Variants in LSM12 observed in about 807,000 individuals in gnomAD.
The protein encoded by LSM12 is protein LSM12.
For synonymous variants in LSM12, 74 were observed against 87.3 expected (o/e 0.85, Z 0.85); for missense variants, 108 against 238.9 (o/e 0.45, Z 3.61).
intron 1 of LSM12, among the ~76,000 whole-genome samples, chr17:44,064,464 G>T (rs2049841999): frequency 6.6e-6 from 1 of 152,172 alleles, no homozygotes; most frequent in South Asian, 2.1e-4. Context: ...CTCACGTGAT[G>T]GCTCACGCCT....
chr17:44,042,821 C>T (rs1306798790), intron 2 of LSM12, among the ~76,000 whole-genome samples: 2 of 152,122 alleles, frequency 1.3e-5, no homozygotes, highest in Admixed American at 6.6e-5. Context: ...CCCACCTGGG[C>T]CTCCCAAAGT....
chr17:44,040,377 C>G, intron 2 of LSM12, 121 bp from the exon 3 acceptor site: 1 of 704,872 alleles, frequency 1.4e-6, no homozygotes. Flanking sequence ...TCTGTTTTCT[C>G]AGAAATGAAA....
rs77186680 is a variant in LSM12 at position 44,037,951 on chromosome 17, T to C, written c.369-413A>G. ...CAACTAGCACTGAGTTCTGCCATAG[T>C]TGTACAAAAGTAGCATGGACAATAG... is the stretch of plus-strand genomic sequence containing the variant. On this transcript the variant is annotated intron_variant, in intron 3 of 4. Transcript: ENST00000293406. 1.1e-4 allele frequency among the ~76,000 whole-genome samples: 16 copies of C among 152,326 alleles called. No individual in the cohort carries two copies. The East Asian group carries it at 2.5e-3, about 24-fold the overall frequency.
intron 2 of LSM12, among the ~76,000 whole-genome samples, chr17:44,047,438 G>C (rs1416032124): frequency 2.0e-5 from 3 of 151,914 alleles, no homozygotes; most frequent in Non-Finnish European, 4.4e-5. Flanking sequence ...GTAAAGACAG[G>C]GTTTCACCAC....
chr17:44,047,563 CATTATT>C (rs1193889671), intron 2 of LSM12, among the ~76,000 whole-genome samples: 1 of 151,224 alleles, frequency 6.6e-6, no homozygotes, highest in Non-Finnish European at 1.5e-5. Context: ...GTCTTATTAT[CATTATT>C]ATTTTCTTTT....
chr17:44,059,130 C>A (rs1169750965), intron 2 of LSM12, among the ~76,000 whole-genome samples: 1 of 152,114 alleles, frequency 6.6e-6, no homozygotes, highest in Non-Finnish European at 1.5e-5. Flanking sequence ...GATCATGCCA[C>A]TGCACTCTAG....
At chr17:44,066,427 G>A (rs2049878668) in intron 1 of LSM12, 37 bp downstream of exon 1, 2 of 1,538,470 alleles carry the variant, frequency 1.3e-6, no homozygotes, top group East Asian at 2.6e-5. Flanking sequence ...GCACCTACAC[G>A]CCGGCCCGGA....
intron 2 of LSM12, among the ~76,000 whole-genome samples, chr17:44,055,303 CAT>C (rs2049696362): frequency 6.6e-6 from 1 of 151,912 alleles, no homozygotes; most frequent in African/African-American, 2.4e-5. Flanking sequence ...CATAGCTAAA[CAT>C]AGGCTGGCCA....
At chr17:44,042,602 T>TTG in intron 2 of LSM12, among the ~76,000 whole-genome samples, 1 of 3,822 alleles carries the variant, frequency 2.6e-4, no homozygotes, top group Non-Finnish European at 7.2e-4. Flanking sequence ...TCTCGCTCTG[T>TTG]CGCCCAGGCT....
At chr17:44,058,700 C>T (rs192623745) in intron 2 of LSM12, among the ~76,000 whole-genome samples, 8 of 152,176 alleles carry the variant, frequency 5.3e-5, no homozygotes, top group Admixed American at 3.3e-4. Context: ...GGCATGGTGG[C>T]GCACGCCTGT....
At chr17:44,039,320 G>A (rs2049457033) in intron 3 of LSM12, among the ~76,000 whole-genome samples, 1 of 149,708 alleles carries the variant, frequency 6.7e-6, no homozygotes, top group African/African-American at 2.5e-5. Context: ...CTCCCAAAGT[G>A]CTGGGATTAC....
intron 4 of LSM12, among the ~76,000 whole-genome samples, 162 bp from the exon 5 acceptor site, chr17:44,036,462 G>A (rs1484227138): frequency 6.6e-6 from 1 of 152,204 alleles, no homozygotes; most frequent in African/African-American, 2.4e-5. Flanking sequence ...CCACAAGGTA[G>A]GCCAGGGCCT....
chr17:44,057,819 T>C (rs761945880), intron 2 of LSM12, among the ~76,000 whole-genome samples: 1 of 151,984 alleles, frequency 6.6e-6, no homozygotes, highest in Non-Finnish European at 1.5e-5. Flanking sequence ...TCCAAGAACC[T>C]ACCAAAGACG....
intron 2 of LSM12, among the ~76,000 whole-genome samples, chr17:44,059,179 AAC>A (rs149442108): frequency 9.2e-5 from 14 of 151,760 alleles, no homozygotes; most frequent in Admixed American, 5.9e-4. Context: ...TAAAAAACAG[AAC>A]ACACACACAC....
chr17:44,039,175 C>T (rs966966731), intron 3 of LSM12, among the ~76,000 whole-genome samples: 2 of 152,058 alleles, frequency 1.3e-5, no homozygotes, highest in Non-Finnish European at 2.9e-5. Context: ...CTGCCTCAGC[C>T]TCCTAAGTGG....
At chr17:44,057,661 G>A (rs931913514) in intron 2 of LSM12, among the ~76,000 whole-genome samples, 3 of 151,538 alleles carry the variant, frequency 2.0e-5, no homozygotes, top group African/African-American at 4.8e-5. Flanking sequence ...TCCGGAGGCT[G>A]AGGTAGAGAA....
chr17:44,060,734 C>T (rs554732315), intron 2 of LSM12, among the ~76,000 whole-genome samples: 1 of 152,216 alleles, frequency 6.6e-6, no homozygotes, highest in South Asian at 2.1e-4. Flanking sequence ...TGCTAGTAAA[C>T]AAGGAAAACC....
At position 44,063,812 on chromosome 17, in the gene LSM12, T is replaced by C; in HGVS notation, c.247A>G (p.Asn83Asp). ...TETPPPLASL[N>D]VSKLASKART... is the part of the protein sequence containing the mutation. ...CCTTGAGTCCTTACCTTACTAACAT[T>C]GAGTGAAGCTAGGGGAGGAGGGGTT... Residue 83 changes from asparagine to aspartate, a missense_variant, in exon 2 of 5, where the codon AAT (asparagine) becomes GAT (aspartate). Physicochemically the swap from Asn to Asp is conservative, Grantham distance 23 (BLOSUM62 1). Transcript: ENST00000293406. 1 of 1,613,628 alleles carries C rather than the reference T, an allele frequency of 6.2e-7. No homozygotes were observed. The highest frequency in any genetic ancestry group is 8.5e-7 in the Non-Finnish European group (1 of 1,179,882).
Position 44,036,115 on chromosome 17 carries a change from T to G in LSM12, c.*93A>C. The G allele has an allele frequency of 8.5e-7, 1 of 1,170,936 alleles. No homozygotes were observed. The highest frequency in any genetic ancestry group is 1.2e-6 in the Non-Finnish European group (1 of 815,346). The allele number at this position is 1,170,936 out of a possible 1,614,324, so 72.5% of individuals were successfully genotyped here. A position where few individuals can be genotyped will look rare whatever the true frequency, so the allele number is the denominator to read the frequency against. On this transcript the variant is annotated 3_prime_UTR_variant, in exon 5 of 5. Coordinates refer to ENST00000293406, the MANE Select transcript of LSM12 (RefSeq NM_001371445.1). The stretch of plus-strand genomic sequence containing the variant: ...CTTTGTTAAGAGCCAACAGGACATA[T>G]AGGATCCCTTCCCTCCCCCGGCCTG...
Sources: gnomAD v4.1 joint callset for allele counts (sites outside exome capture counted in the v4.1 genomes callset) on GRCh38, gnomAD v4.1.1 for gene constraint, MANE v1.5 for transcripts, NCBI Gene and HGNC (gene_info 2026-07-23, HGNC 2026-07-21) for gene names.